NETO1: variants seen among roughly 807,000 people sequenced by gnomAD.
NETO1 encodes the protein neuropilin and tolloid-like protein 1.
A neutral mutation model predicts 61.3 loss-of-function variants in NETO1; 26 were observed. The ratio of observed to expected loss-of-function variants is 0.42; its 90% CI spans 0.31 to 0.59. NETO1 has a LOEUF of 0.59. NETO1 is among the 20% of genes least tolerant of loss of function. NETO1 has a pLI of 0.12. For missense variants in NETO1, 531 were observed against 662.8 expected (o/e 0.80, Z 2.18); for synonymous variants, 225 against 225.8 (o/e 1.00, Z 0.03).
intron 4 of NETO1, among the ~76,000 whole-genome samples, chr18:72,802,287 G>C (rs576105635): frequency 6.6e-6 from 1 of 152,230 alleles, no homozygotes; most frequent in South Asian, 2.1e-4. Flanking sequence ...CCTTGGTCGA[G>C]AAGCTCACAG....
At chr18:72,832,132 T>C (rs1368233791) in intron 4 of NETO1, among the ~76,000 whole-genome samples, 1 of 152,208 alleles carries the variant, frequency 6.6e-6, no homozygotes, top group African/African-American at 2.4e-5. Context: ...GAATAATTGA[T>C]AGATGAATTG....
intron 6 of NETO1, among the ~76,000 whole-genome samples, 187 bp from the exon 7 acceptor site, chr18:72,784,093 C>T (rs151100147): frequency 1.3e-5 from 2 of 152,020 alleles, no homozygotes; most frequent in East Asian, 3.9e-4. Flanking sequence ...TTTTCAAATG[C>T]TATTATCCTT....
intron 4 of NETO1, among the ~76,000 whole-genome samples, chr18:72,797,004 G>T (rs1316228647): frequency 6.6e-6 from 1 of 152,064 alleles, no homozygotes; most frequent in Non-Finnish European, 1.5e-5. Flanking sequence ...TTCTCATCAA[G>T]CAGTTCCATT....
downstream of NETO1, chr18:72,742,889 T>C (rs373397021): frequency 1.3e-5 from 2 of 152,198 alleles, no homozygotes; most frequent in African/African-American, 2.4e-5. Context: ...CTCAGTATGT[T>C]CGCTAGTCAA....
At chr18:72,753,079 G>A (rs2070675215) in intron 8 of NETO1, among the ~76,000 whole-genome samples, 1 of 151,746 alleles carries the variant, frequency 6.6e-6, no homozygotes, top group South Asian at 2.1e-4. Flanking sequence ...AAGGAGAGAT[G>A]GAAAGTAACA....
At chr18:72,820,056 G>C (rs1311026443) in intron 4 of NETO1, among the ~76,000 whole-genome samples, 1 of 152,068 alleles carries the variant, frequency 6.6e-6, no homozygotes, top group East Asian at 1.9e-4. Flanking sequence ...TTTTGCTTTT[G>C]TACCTAAAAG....
intron 4 of NETO1, among the ~76,000 whole-genome samples, chr18:72,805,594 G>C (rs1485043483): frequency 1.3e-5 from 2 of 152,210 alleles, no homozygotes; most frequent in Non-Finnish European, 2.9e-5. Context: ...GCAGCACAGA[G>C]AGATTAAGTA....
chr18:72,751,439 C>T (rs1334272507), intron 8 of NETO1, among the ~76,000 whole-genome samples: 1 of 152,168 alleles, frequency 6.6e-6, no homozygotes, highest in Non-Finnish European at 1.5e-5. Flanking sequence ...CTCCCTGCAG[C>T]TCCCAGTTAA....
chr18:72,821,492 G>A (rs1448729224), intron 4 of NETO1, among the ~76,000 whole-genome samples: 1 of 150,548 alleles, frequency 6.6e-6, no homozygotes, highest in African/African-American at 2.5e-5. Context: ...TTGAACCTAG[G>A]AGGTGGAGGT....
intron 4 of NETO1, among the ~76,000 whole-genome samples, chr18:72,800,795 G>A (rs996498048): frequency 6.6e-6 from 1 of 152,030 alleles, no homozygotes; most frequent in Non-Finnish European, 1.5e-5. Flanking sequence ...ACTCAGTACT[G>A]AATTTAACAT....
Position 72,821,226 on chromosome 18 carries a change from A to G in NETO1, c.470-26822T>C, listed in dbSNP as rs559355487. 4.4e-3 allele frequency among the ~76,000 whole-genome samples: 552 copies of G among 125,988 alleles called. 5 individuals carry two copies. Among genetic ancestry groups the G allele is most frequent in the Middle Eastern group, 0.029 (7 of 238 alleles). 82.7% of individuals were successfully genotyped at this position (125,988 alleles called of 152,430 possible). A position where few individuals can be genotyped will look rare whatever the true frequency, so the allele number is the denominator to read the frequency against. On this transcript the variant is annotated intron_variant, in intron 4 of 10. Transcript: ENST00000327305. ...TTTTCTTCTAAGCATTCTCTTCTTC[A>G]TATTAACTAAAAAAAAAAAAAAAAA...
In NETO1 at chr18:72,762,399, A is replaced by G. The variant is rs564947473; in HGVS notation, c.869-6252T>C. Among the ~76,000 whole-genome samples, 104 of 152,312 alleles carry G rather than the reference A, an allele frequency of 6.8e-4. 1 individual carries two copies. Among genetic ancestry groups the G allele is most frequent in the African/African-American group, 2.4e-3 (100 of 41,572 alleles). On this transcript the variant is annotated intron_variant, in intron 7 of 10. Coordinates refer to ENST00000327305, the MANE Select transcript of NETO1 (RefSeq NM_138966.5). ...CTTATGTAAATTATTTCAGAAATGC[A>G]AAAGCCAAAATGTTGGCAGTGATGA...
chr18:72,761,028 A>C (rs979897954), intron 7 of NETO1, among the ~76,000 whole-genome samples: 1 of 152,220 alleles, frequency 6.6e-6, no homozygotes, highest in African/African-American at 2.4e-5. Flanking sequence ...CCAAAACAAA[A>C]GCAAATGAAA....
At position 72,746,219 on chromosome 18, in the gene NETO1, A is replaced by G. The variant is rs1896768812; in HGVS notation, c.*1960T>C. ...GTTATATCATACTTTTGAGATTATC[A>G]TTCAAAGGGAAAGGAGTCCTCTGAA... On this transcript the variant is annotated 3_prime_UTR_variant, in exon 11 of 11. Coordinates refer to ENST00000327305, the MANE Select transcript of NETO1 (RefSeq NM_138966.5). Among the ~76,000 whole-genome samples, 1 of 152,188 alleles carries G rather than the reference A, an allele frequency of 6.6e-6. No individual in the cohort carries two copies. Among genetic ancestry groups the G allele is most frequent in the Admixed American group, 6.6e-5 (1 of 15,266 alleles).
chr18:72,812,372 C>T (rs2072896845), intron 4 of NETO1, among the ~76,000 whole-genome samples: 1 of 152,138 alleles, frequency 6.6e-6, no homozygotes, highest in Admixed American at 6.5e-5. Flanking sequence ...ATTTATTTAC[C>T]ACTTCAGGAC....
intron 8 of NETO1, among the ~76,000 whole-genome samples, chr18:72,752,376 G>A (rs1422942002): frequency 6.6e-6 from 1 of 152,164 alleles, no homozygotes; most frequent in Non-Finnish European, 1.5e-5. Flanking sequence ...GAGAGAACAG[G>A]AAATGAGAGA....
intron 4 of NETO1, among the ~76,000 whole-genome samples, chr18:72,848,547 G>C (rs939632567): frequency 2.6e-5 from 4 of 152,102 alleles, no homozygotes; most frequent in Admixed American, 6.6e-5. Flanking sequence ...GGATATTCCT[G>C]CTCAAAATAA....
chr18:72,782,544 C>T (rs1206431189), intron 7 of NETO1, among the ~76,000 whole-genome samples: 1 of 152,160 alleles, frequency 6.6e-6, no homozygotes, highest in Admixed American at 6.5e-5. Flanking sequence ...GTGGCTCATG[C>T]CTCTAATCCC....
chr18:72,830,383 A>G lies in NETO1; in HGVS notation c.469+28443T>C, dbSNP rs549817546. ...TGGCAGGGAGGCCACAACTTCAGAG[A>G]CATCAGTAGCGCCACATGTGTTTTC... On this transcript the variant is annotated intron_variant, in intron 4 of 10. Coordinates refer to ENST00000327305, the MANE Select transcript of NETO1 (RefSeq NM_138966.5). The surrounding 1 kb of genome is among the most constrained non-coding windows in gnomAD (Gnocchi z 4.9). 6.6e-6 allele frequency among the ~76,000 whole-genome samples: 1 copy of G among 152,292 alleles called. No homozygotes were observed. The highest frequency in any genetic ancestry group is 1.9e-4 in the East Asian group (1 of 5,172).
Sources: gnomAD v4.1 joint callset for allele counts (sites outside exome capture counted in the v4.1 genomes callset) on GRCh38, gnomAD v4.1.1 for gene constraint, Gnocchi (gnomAD v3.1) non-coding constraint, MANE v1.5 for transcripts, NCBI Gene and HGNC (gene_info 2026-07-23, HGNC 2026-07-21) for gene names.